Variants in KDM4C observed in about 807,000 individuals in gnomAD.
KDM4C encodes the protein lysine-specific demethylase 4C.
Under a neutral mutation model 129.3 loss-of-function variants are expected in KDM4C, and 81 were observed. The observed-to-expected ratio is 0.63, with a 90% CI of 0.52 to 0.75. The LOEUF is 0.75. Among genes scored for constraint, KDM4C ranks in the 30% least tolerant of loss-of-function variants. The pLI is 0.00. For missense variants in KDM4C, 1,457 were observed against 1,304.0 expected (o/e 1.12, Z -1.81); for synonymous variants, 573 against 456.1 (o/e 1.26, Z -3.26).
intron 5 of KDM4C, among the ~76,000 whole-genome samples, chr9:6,862,766 C>CA (rs1246533365): frequency 3.3e-5 from 5 of 152,084 alleles, no homozygotes; most frequent in African/African-American, 1.2e-4. Flanking sequence ...GAGATCACGC[C>CA]ACTGTACTCC....
intron 17 of KDM4C, among the ~76,000 whole-genome samples, chr9:7,101,188 A>C (rs768499644): frequency 6.6e-6 from 1 of 152,126 alleles, no homozygotes; most frequent in African/African-American, 2.4e-5. Flanking sequence ...ATGTTATTCT[A>C]GTGCCAGGTA....
chr9:7,089,378 T>G (rs1835520681), intron 17 of KDM4C, among the ~76,000 whole-genome samples: 1 of 152,196 alleles, frequency 6.6e-6, no homozygotes, highest in Non-Finnish European at 1.5e-5. Flanking sequence ...AGGATCGAGT[T>G]CTTCACAGTA....
At chr9:7,119,989 C>T (rs1441874155) in intron 18 of KDM4C, among the ~76,000 whole-genome samples, 1 of 152,118 alleles carries the variant, frequency 6.6e-6, no homozygotes, top group Non-Finnish European at 1.5e-5. Flanking sequence ...ATTCTTAGCA[C>T]CTAGGAATGT....
chr9:6,796,317 C>T (rs1456623026), intron 2 of KDM4C, among the ~76,000 whole-genome samples: 2 of 152,104 alleles, frequency 1.3e-5, no homozygotes, highest in African/African-American at 2.4e-5. Flanking sequence ...TGGAGGTGGG[C>T]GCCTGTAGTC....
At chr9:7,037,425 C>T (rs1734991812) in intron 15 of KDM4C, among the ~76,000 whole-genome samples, 1 of 152,176 alleles carries the variant, frequency 6.6e-6, no homozygotes, top group Non-Finnish European at 1.5e-5. Context: ...ACAACTGTGA[C>T]AGCCATATTA....
intron 15 of KDM4C, among the ~76,000 whole-genome samples, chr9:7,024,189 T>A (rs1412024895): frequency 6.6e-6 from 1 of 150,560 alleles, no homozygotes; most frequent in Non-Finnish European, 1.5e-5. Flanking sequence ...CTTTGTTACT[T>A]TTCTATCTGG....
intron 18 of KDM4C, among the ~76,000 whole-genome samples, chr9:7,116,093 G>T (rs888053855): frequency 1.3e-5 from 2 of 152,126 alleles, no homozygotes; most frequent in African/African-American, 4.8e-5. Flanking sequence ...ATATCATTTT[G>T]GCTCTCTTAG....
At chr9:6,916,149 A>G (rs1186632328) in intron 8 of KDM4C, among the ~76,000 whole-genome samples, 1 of 152,128 alleles carries the variant, frequency 6.6e-6, no homozygotes, top group Non-Finnish European at 1.5e-5. Context: ...TGTTTTTGAC[A>G]GTCACTTCTG....
At chr9:6,939,985 C>G (rs1167765178) in intron 8 of KDM4C, among the ~76,000 whole-genome samples, 1 of 103,608 alleles carries the variant, frequency 9.7e-6, no homozygotes, top group Non-Finnish European at 2.2e-5. Flanking sequence ...TACCTTCCTT[C>G]CTTCCTTCCT....
At chr9:6,790,304 G>C (rs1411662922) in intron 1 of KDM4C, among the ~76,000 whole-genome samples, 4 of 150,928 alleles carry the variant, frequency 2.7e-5, no homozygotes, top group Non-Finnish European at 5.9e-5. Context: ...GCAGTGGCGT[G>C]ATCTGGGCTC....
At chr9:6,796,627 G>C (rs988763272) in intron 2 of KDM4C, among the ~76,000 whole-genome samples, 2 of 152,166 alleles carry the variant, frequency 1.3e-5, no homozygotes, top group African/African-American at 2.4e-5. Context: ...ACTGAATAAA[G>C]TTAATGAGAA....
intron 8 of KDM4C, among the ~76,000 whole-genome samples, chr9:6,919,218 T>C (rs12686284): frequency 0.11 from 7,618 of 72,548 alleles, 631 homozygotes; most frequent in African/African-American, 0.27. Context: ...TGAATTTTCT[T>C]TTTCCTTCTT....
At chr9:7,153,536 A>G (rs1276444448) in intron 19 of KDM4C, among the ~76,000 whole-genome samples, 1 of 152,136 alleles carries the variant, frequency 6.6e-6, no homozygotes, top group African/African-American at 2.4e-5. Flanking sequence ...TTCCATCAAT[A>G]TGCTCCCTTC....
chr9:6,747,202 AAACCAACCAACC>A (rs1554666609), intron 1 of KDM4C, among the ~76,000 whole-genome samples: 4 of 132,972 alleles, frequency 3.0e-5, no homozygotes, highest in Admixed American at 7.8e-5. Flanking sequence ...CCAAAAAACC[AAACCAACCAACC>A]AACCAACCAA....
chr9:7,042,476 A>C (rs1828756291), intron 15 of KDM4C, among the ~76,000 whole-genome samples: 1 of 152,122 alleles, frequency 6.6e-6, no homozygotes, highest in Non-Finnish European at 1.5e-5. Context: ...TAGATTAATG[A>C]AACAAATAGG....
At chr9:7,166,328 G>T (rs923092877) in intron 20 of KDM4C, among the ~76,000 whole-genome samples, 1 of 152,182 alleles carries the variant, frequency 6.6e-6, no homozygotes, top group Non-Finnish European at 1.5e-5. Context: ...AGGACCTGGA[G>T]CACAGTGTAA....
rs566241790 is a variant in KDM4C, at chr9:7,127,703, A to G, written c.2611-363A>G. On this transcript the variant is annotated intron_variant, in intron 18 of 21. Coordinates refer to ENST00000381309, the MANE Select transcript of KDM4C (RefSeq NM_015061.6). ...ATTTGACCAACTGGAGTATAGATGG[A>G]GATTAAAGTATCCTATCAGTGTTCA... Among the ~76,000 whole-genome samples, 11 of 152,282 alleles carry G rather than the reference A, an allele frequency of 7.2e-5. No individual in the cohort carries two copies. The East Asian group carries it at 2.1e-3, about 29-fold the overall frequency.
At chr9:6,775,380 G>T (rs1822794777) in intron 1 of KDM4C, among the ~76,000 whole-genome samples, 1 of 151,874 alleles carries the variant, frequency 6.6e-6, no homozygotes, top group Non-Finnish European at 1.5e-5. Flanking sequence ...AGTTCCATCG[G>T]GTGAATATAT....
At position 7,128,159 on chromosome 9, in the gene KDM4C, G is replaced by C. The variant is rs1402187432; in HGVS notation, c.2704G>C (p.Val902Leu). The C allele has an allele frequency of 6.2e-7, 1 of 1,613,074 alleles. No homozygotes were observed. Among genetic ancestry groups the C allele is most frequent in the Non-Finnish European group, 8.5e-7 (1 of 1,179,642 alleles). Residue 902 changes from valine (V) to leucine (L), a missense_variant, in exon 19 of 22, where the codon GTG (valine) becomes CTG (leucine). Val to Leu is a conservative substitution (Grantham distance 32). Coordinates refer to ENST00000381309, the MANE Select transcript of KDM4C (RefSeq NM_015061.6). Reference protein sequence around the residue: ...TRYYSCRVMAVTSQTFYEVMF... With the variant: ...TRYYSCRVMALTSQTFYEVMF... ...GTATTACAGTTGCAGAGTGATGGCT[G>C]TGACATCGCAGACCTTCTATGAGGT...
Sources: allele counts gnomAD v4.1 joint callset (sites outside exome capture counted in the v4.1 genomes callset), GRCh38; gene constraint gnomAD v4.1.1; transcripts MANE v1.5; gene names NCBI Gene and HGNC (gene_info 2026-07-23, HGNC 2026-07-21).